The following SPRY3 variants were observed in gnomAD, a reference collection of about 807,000 sequenced individuals.
SPRY3 encodes the protein sprouty RTK signaling antagonist 3.
A neutral mutation model predicts 20.2 loss-of-function variants in SPRY3; 15 were observed. That is an observed-to-expected ratio of 0.74 (90% confidence interval 0.50 to 1.14). The LOEUF (loss-of-function observed/expected upper bound fraction) is 1.14. SPRY3 is among the 50% of genes most tolerant of loss of function. SPRY3 has a pLI of 0.00. For synonymous variants in SPRY3, 143 were observed against 136.5 expected, an observed-to-expected ratio of 1.05 and a Z score of -0.33; for missense variants, 364 against 363.9, an observed-to-expected ratio of 1.00 and a Z score of 0.00.
At chrX:155,719,710 G>A (rs2091044168) in intron 2 of SPRY3, among the ~76,000 whole-genome samples, 1 of 152,034 alleles carries the variant, frequency 6.6e-6, no homozygotes, top group Non-Finnish European at 1.5e-5. Context: ...GACAATACTA[G>A]ACACACCCTG....
At chrX:155,711,406 A>G (rs959984289) in intron 2 of SPRY3, among the ~76,000 whole-genome samples, 3 of 151,726 alleles carry the variant, frequency 2.0e-5, no homozygotes, top group Admixed American at 6.6e-5. Flanking sequence ...CTAGGAATTT[A>G]TCCATTTATT....
At chrX:155,727,356 C>T (rs2091105318) in intron 2 of SPRY3, among the ~76,000 whole-genome samples, 1 of 152,062 alleles carries the variant, frequency 6.6e-6, no homozygotes, top group Non-Finnish European at 1.5e-5. Context: ...GCCTGCCTTC[C>T]TAGGTTGGGG....
At chrX:155,672,738 T>G (rs1331226044) in intron 2 of SPRY3, among the ~76,000 whole-genome samples, 1 of 104,476 alleles carries the variant, frequency 9.6e-6, no homozygotes, top group Non-Finnish European at 2.0e-5. Flanking sequence ...GGACTATAAA[T>G]CATGCTGCTA....
At position 155,624,767 on chromosome X, in the gene SPRY3, C is replaced by A. The variant is rs141571421; in HGVS notation, c.-441+12120C>A. Among the ~76,000 whole-genome samples, 773 of 111,832 alleles carry A rather than the reference C, an allele frequency of 6.9e-3. 6 individuals are homozygous for A. The highest frequency in any genetic ancestry group is 0.024 in the African/African-American group (736 of 30,941). ...TTAAATTGTGCATTGACAGTAATTTCATAGTCCAGGATAATGAACTTAATA... is the reference window on the plus strand; with the variant it reads ...TTAAATTGTGCATTGACAGTAATTTAATAGTCCAGGATAATGAACTTAATA... On this transcript the variant is annotated intron_variant, in intron 1 of 3. Transcript: ENST00000675360.
Position 155,734,227 on chromosome X carries a change from C to T in SPRY3, c.-281-33735C>T, listed in dbSNP as rs1021150103. On this transcript the variant is annotated intron_variant, in intron 2 of 3. Coordinates refer to ENST00000675360, the Ensembl canonical transcript of SPRY3. Reference sequence around the variant, plus strand: ...TTTGATTTAAAGGAGAGACATGTAACTTTTCCTTTCATTTGAACATGTAAA... The same window carrying T: ...TTTGATTTAAAGGAGAGACATGTAATTTTTCCTTTCATTTGAACATGTAAA... Among the ~76,000 whole-genome samples, 6 of 152,020 alleles carry T rather than the reference C, an allele frequency of 3.9e-5. 1 individual carries two copies. In the South Asian group the frequency reaches 6.2e-4, roughly 16 times the overall value.
intron 2 of SPRY3, among the ~76,000 whole-genome samples, chrX:155,657,455 C>A (rs1174710271): frequency 9.0e-6 from 1 of 110,560 alleles, no homozygotes; most frequent in Non-Finnish European, 1.9e-5. Flanking sequence ...ATGGCAGATG[C>A]CCCCCGCTAC....
chrX:155,706,309 A>G (rs2090950683), intron 2 of SPRY3, among the ~76,000 whole-genome samples: 1 of 151,212 alleles, frequency 6.6e-6, no homozygotes, highest in African/African-American at 2.4e-5. Flanking sequence ...AAATATTTTG[A>G]ACTGAATGAA....
chrX:155,629,213 G>T (rs1173074543), intron 1 of SPRY3, among the ~76,000 whole-genome samples: 1 of 91,496 alleles, frequency 1.1e-5, no homozygotes, highest in East Asian at 3.6e-4. Context: ...GTGTCCAAGT[G>T]TTCTCATTGT....
At chrX:155,640,710 T>C (rs1381051504) in intron 1 of SPRY3, among the ~76,000 whole-genome samples, 1 of 111,985 alleles carries the variant, frequency 8.9e-6, no homozygotes, top group Non-Finnish European at 1.9e-5. Context: ...GATTACTTTC[T>C]TAATTTCTTT....
intron 2 of SPRY3, among the ~76,000 whole-genome samples, chrX:155,765,616 T>G (rs918307719): frequency 1.2e-4 from 19 of 152,136 alleles, no homozygotes; most frequent in Non-Finnish European, 1.5e-4. Context: ...GATCATCAAT[T>G]TAACTTTTTT....
At chrX:155,651,432 C>T (rs1191801013) in intron 1 of SPRY3, among the ~76,000 whole-genome samples, 2 of 111,611 alleles carry the variant, frequency 1.8e-5, no homozygotes, top group Admixed American at 1.9e-4. Context: ...TGCAGTTCCC[C>T]CTGGTGGCTA....
At chrX:155,693,131 C>T (rs980773670) in intron 2 of SPRY3, among the ~76,000 whole-genome samples, 1 of 110,858 alleles carries the variant, frequency 9.0e-6, no homozygotes, top group Non-Finnish European at 1.9e-5. Flanking sequence ...CTTTGATTTT[C>T]GTTCTAACTA....
intron 1 of SPRY3, among the ~76,000 whole-genome samples, chrX:155,630,286 G>A (rs1423719321): frequency 8.9e-6 from 1 of 111,748 alleles, no homozygotes; most frequent in Non-Finnish European, 1.9e-5. Flanking sequence ...ATATTATTCT[G>A]AATTTGACTA....
chrX:155,767,739 AGAGGAGGAGGAGGAGAG>A (rs1569400071), intron 2 of SPRY3: 56 of 48,658 alleles, frequency 1.2e-3, no homozygotes, highest in African/African-American at 2.9e-3. Flanking sequence ...AGGAGGAGAG[AGAGGAGGAGGAGGAGAG>A]AGAGGAGGAG....
chrX:155,765,056 T>C (rs1360297960), intron 2 of SPRY3, among the ~76,000 whole-genome samples: 2 of 152,174 alleles, frequency 1.3e-5, no homozygotes, highest in South Asian at 4.1e-4. Context: ...ATAAGAGAAC[T>C]AATCCCATTC....
chrX:155,709,871 C>G (rs1022740056), intron 2 of SPRY3, among the ~76,000 whole-genome samples: 1 of 151,696 alleles, frequency 6.6e-6, no homozygotes, highest in Non-Finnish European at 1.5e-5. Context: ...GTTCATTCTT[C>G]TGCTTATGTA....
chrX:155,766,688 G>A (rs2091332543), intron 2 of SPRY3, among the ~76,000 whole-genome samples: 1 of 152,158 alleles, frequency 6.6e-6, no homozygotes, highest in Non-Finnish European at 1.5e-5. Context: ...TGGACTGAGG[G>A]TAATTTACAG....
rs141240143 is a variant in SPRY3 at position 155,624,517 on chromosome X, CATCTATCTATCTATCTATCT to C, written c.-441+11894_-441+11913del. 8.2e-4 allele frequency among the ~76,000 whole-genome samples: 84 copies of C among 102,293 alleles called. 1 individual carries two copies. The highest frequency in any genetic ancestry group is 1.3e-3 in the Non-Finnish European group (65 of 50,006). The allele number at this position is 102,293 out of a possible 115,157, so 88.8% of individuals were successfully genotyped here. A position where few individuals can be genotyped will look rare whatever the true frequency, so the allele number is the denominator to read the frequency against. On this transcript the variant is annotated intron_variant, in intron 1 of 3. Transcript: ENST00000675360. The stretch of plus-strand genomic sequence containing the variant: ...TTGCATCTATCATCTATTTATCTAT[CATCTATCTATCTATCTATCT>C]ATCTATCTATCTATCTATCTATCAT...
rs1418953963 is a variant in SPRY3 at position 155,772,837 on chromosome X, G to A, written c.-106-929G>A. On this transcript the variant is annotated intron_variant, in intron 3 of 3. Transcript: ENST00000675360. Reference sequence around the variant, plus strand: ...TCCTTTAAGAAAGTCAGTTTATTGTGTAAGGTAGTGATAGAGAAAAGAAGT... The same window carrying A: ...TCCTTTAAGAAAGTCAGTTTATTGTATAAGGTAGTGATAGAGAAAAGAAGT... 3.3e-5 allele frequency among the ~76,000 whole-genome samples: 5 copies of A among 152,064 alleles called. No individual in the cohort carries two copies. In the East Asian group the frequency reaches 9.6e-4, roughly 29 times the overall value.
Sources: gnomAD v4.1 joint callset for allele counts (sites outside exome capture counted in the v4.1 genomes callset) on GRCh38, gnomAD v4.1.1 for gene constraint, MANE v1.5 for transcripts, NCBI Gene and HGNC (gene_info 2026-07-23, HGNC 2026-07-21) for gene names.